Variants in RFPL3 observed in about 807,000 individuals in gnomAD.
RFPL3 encodes the protein ret finger protein-like 3.
RFPL3 carries 8 observed loss-of-function variants against 8.7 expected under a neutral mutation model. The observed-to-expected ratio is 0.92, with a 90% CI of 0.54 to 1.66. RFPL3 has a LOEUF of 1.66. RFPL3 is among the 40% of genes most tolerant of loss of function. The pLI is 0.00. For missense variants in RFPL3, 341 were observed against 395.0 expected, an observed-to-expected ratio of 0.86 and a Z score of 1.16; for synonymous variants, 145 against 150.5, an observed-to-expected ratio of 0.96 and a Z score of 0.27.
In RFPL3 at chr22:32,358,171, T is replaced by C. The variant is rs1399312566; in HGVS notation, c.100T>C (p.Phe34Leu). The C allele has an allele frequency of 6.2e-6, 10 of 1,613,970 alleles. No homozygotes were observed. The highest frequency in any genetic ancestry group is 8.5e-6 in the Non-Finnish European group (10 of 1,179,860). Residue 34 changes from phenylalanine to leucine, a missense_variant, in exon 1 of 2, where the codon TTC becomes CTC. Transcript: ENST00000249007. ...CCTGGCAGTGGACATGGCTGCACTC[T>C]TCCAAGAAGCAAGCAGCTGTCCCGT... ...FPLAVDMAAL[F>L]QEASSCPVCS...
chr22:32,358,098 T>C lies in RFPL3; in HGVS notation c.27T>C (p.Thr9=), dbSNP rs748852768. MKRLSLVT[T]NRLSPQGNFL... The stretch of plus-strand genomic sequence containing the variant: ...TGAAAAGGTTGTCACTTGTCACAAC[T>C]AACAGGCTTTCACCTCAAGGAAATT... The change falls in exon 1 of 2, where the codon ACT becomes ACC. Residue 9 remains threonine, a synonymous_variant. Transcript: ENST00000249007. The C allele has an allele frequency of 6.2e-7, 1 of 1,613,824 alleles. No homozygotes were observed. Among genetic ancestry groups the C allele is most frequent in the Non-Finnish European group, 8.5e-7 (1 of 1,179,742 alleles).
upstream of RFPL3, among the ~76,000 whole-genome samples, chr22:32,357,250 T>C (rs1021842064): frequency 6.6e-6 from 1 of 152,096 alleles, no homozygotes; most frequent in Non-Finnish European, 1.5e-5. Flanking sequence ...GATGTAATTT[T>C]TTTTCTTTTC....
At position 32,358,296 on chromosome 22, in the gene RFPL3, T is replaced by A. The variant is rs1932734702; in HGVS notation, c.225T>A (p.Asp75Glu). Residue 75 changes from aspartate to glutamate, a missense_variant, in exon 1 of 2, where the codon GAT becomes GAA. By Grantham distance (45) the Asp-to-Glu change is conservative. Coordinates refer to ENST00000249007, the MANE Select transcript of RFPL3 (RefSeq NM_001098535.1). ...TGCAGAAGGAGCCCCATGGGGAGGA[T>A]CTGCTTTGCTGTTGCTGTTCCATGG... ...NSLQKEPHGEDLLCCCCSMVS... is the reference protein window; with the variant it reads ...NSLQKEPHGEELLCCCCSMVS... The A allele has an allele frequency of 1.2e-6, 2 of 1,613,968 alleles. No homozygotes were observed. The highest frequency in any genetic ancestry group is 4.5e-5 in the East Asian group (2 of 44,874).
intron 1 of RFPL3, chr22:32,359,952 G>C: frequency 2.4e-6 from 1 of 417,058 alleles, no homozygotes; most frequent in Non-Finnish European, 4.2e-6. Flanking sequence ...GTGGTAGAAA[G>C]GGGGGCATGG....
chr22:32,355,781 C>CAAAAAAAAAAAAAAA (rs5844988), upstream of RFPL3, among the ~76,000 whole-genome samples: 1 of 99,968 alleles, frequency 1.0e-5, no homozygotes, highest in Non-Finnish European at 2.2e-5. Flanking sequence ...GACTTTGTCT[C>CAAAAAAAAAAAAAAA]AAAAAAAAAA....
chr22:32,359,144 G>A (rs1029199946), intron 1 of RFPL3, among the ~76,000 whole-genome samples: 4 of 152,142 alleles, frequency 2.6e-5, no homozygotes, highest in African/African-American at 9.7e-5. Context: ...TAATGTCCCT[G>A]ACACTGGTAG....
rs149437141 is a variant in RFPL3 at position 32,360,567 on chromosome 22, C to T, written c.689C>T (p.Thr230Met). The stretch of plus-strand genomic sequence containing the variant: ...GATGGAAGCCGCCTCTCTGCCAGCA[C>T]GGTGCCGCTGACTTTCCTCTTAGTA... ...LRDGSRLSAS[T>M]VPLTFLLVDR... Residue 230 changes from threonine (T) to methionine (M), a missense_variant, in exon 2 of 2, where the codon ACG (threonine) becomes ATG (methionine). Coordinates refer to ENST00000249007, the MANE Select transcript of RFPL3 (RefSeq NM_001098535.1). 1.9e-5 allele frequency: 31 copies of T among 1,613,846 alleles called. No individual in the cohort carries two copies. The South Asian group carries it at 2.0e-4, about 10-fold the overall frequency.
rs367950014 is a variant in RFPL3 at position 32,358,413 on chromosome 22, A to G, written c.342A>G (p.Leu114=). 7.9e-5 allele frequency: 127 copies of G among 1,613,998 alleles called. No individual in the cohort carries two copies. Among genetic ancestry groups the G allele is most frequent in the Non-Finnish European group, 9.3e-5 (110 of 1,180,010 alleles). Residue 114 remains leucine (L), a synonymous_variant, in exon 1 of 2, where the codon CTA becomes CTG. Coordinates refer to ENST00000249007, the MANE Select transcript of RFPL3 (RefSeq NM_001098535.1). The part of the protein sequence containing the change: ...KELEPKLKKI[L]QMNPRMRKFQ... Reference sequence around the variant, plus strand: ...TGGAGCCCAAGCTGAAGAAGATTCTACAGATGAACCCAAGGATGCGGAAGT... The same window carrying G: ...TGGAGCCCAAGCTGAAGAAGATTCTGCAGATGAACCCAAGGATGCGGAAGT...
upstream of RFPL3, among the ~76,000 whole-genome samples, chr22:32,355,591 T>G (rs1932637081): frequency 6.6e-6 from 1 of 151,886 alleles, no homozygotes; most frequent in African/African-American, 2.4e-5. Flanking sequence ...GGTGCACAGG[T>G]CACCTGTGCA....
intron 1 of RFPL3, among the ~76,000 whole-genome samples, chr22:32,358,735 G>A (rs560417297): frequency 1.3e-5 from 2 of 152,358 alleles, no homozygotes; most frequent in African/African-American, 4.8e-5. Flanking sequence ...GAACTGGGAA[G>A]TCTCAGGATT....
chr22:32,355,325 A>G (rs1284662372), upstream of RFPL3, among the ~76,000 whole-genome samples: 2 of 152,122 alleles, frequency 1.3e-5, no homozygotes, highest in Non-Finnish European at 2.9e-5. Context: ...AACCTCGGTA[A>G]GGGGAAGTCT....
chr22:32,354,885 C>G (rs1483790530), upstream of RFPL3: 2 of 152,440 alleles, frequency 1.3e-5, no homozygotes, highest in South Asian at 2.1e-4. Flanking sequence ...CCCGCACCAA[C>G]GGCAGCAGCG....
At position 32,358,054 on chromosome 22, in the gene RFPL3, A is replaced by G. The variant is rs748105177; in HGVS notation, c.-18A>G. On this transcript the variant is annotated 5_prime_UTR_variant, in exon 1 of 2. Coordinates refer to ENST00000249007, the MANE Select transcript of RFPL3 (RefSeq NM_001098535.1). Reference sequence around the variant, plus strand: ...CTTGTTCTCGGAGTGACAAAGCTGGAACACAATACCTCTATGCATGAAAAG... The same window carrying G: ...CTTGTTCTCGGAGTGACAAAGCTGGGACACAATACCTCTATGCATGAAAAG... 78 of 1,602,658 alleles carry G rather than the reference A, an allele frequency of 4.9e-5. No homozygotes were observed. The Middle Eastern group carries it at 8.3e-4, about 17-fold the overall frequency.
At chr22:32,355,129 T>C (rs1932622276), upstream of RFPL3, among the ~76,000 whole-genome samples, 2 of 150,510 alleles carry the variant, frequency 1.3e-5, no homozygotes, top group Admixed American at 1.3e-4. Flanking sequence ...CTGGGCTACA[T>C]GTTCTGATTG....
chr22:32,360,159 T>C (rs1932763605), intron 1 of RFPL3, 93 bp from the exon 2 acceptor site: 5 of 1,461,940 alleles, frequency 3.4e-6, no homozygotes, highest in African/African-American at 1.4e-5. Flanking sequence ...TTAAAGAAAC[T>C]AAAGTCAGGA....
In RFPL3 at chr22:32,360,730, T is replaced by C; in HGVS notation, c.852T>C (p.Ala284=). Residue 284 remains alanine, a synonymous_variant, in exon 2 of 2, where the codon GCT becomes GCC. Transcript: ENST00000249007. The part of the protein sequence containing the change: ...SAEEPLRPFL[A]PSIPPNGDQG... ...AGGAGCCACTGCGCCCATTTTTGGC[T>C]CCTTCAATTCCACCTAATGGTGATC... The C allele has an allele frequency of 1.9e-6, 3 of 1,614,078 alleles. No homozygotes were observed. The highest frequency in any genetic ancestry group is 4.5e-5 in the East Asian group (2 of 44,874).
upstream of RFPL3, among the ~76,000 whole-genome samples, chr22:32,356,422 C>T (rs1932668515): frequency 6.7e-6 from 1 of 149,322 alleles, no homozygotes; most frequent in Non-Finnish European, 1.5e-5. Context: ...CTGGGAGCCT[C>T]TCCCCCGGGC....
Position 32,358,174 on chromosome 22 carries a change from C to T in RFPL3, c.103C>T (p.Gln35Ter), listed in dbSNP as rs778275143. The change falls in exon 1 of 2, where the codon CAA (glutamine) becomes TAA (stop). Residue 35 changes from glutamine to a stop codon, truncating the protein, a stop_gained. Transcript: ENST00000249007. LOFTEE classifies it high-confidence loss of function. Reference protein sequence around the residue: ...PLAVDMAALFQEASSCPVCSD... With the variant: ...PLAVDMAALF The stretch of plus-strand genomic sequence containing the variant: ...GGCAGTGGACATGGCTGCACTCTTC[C>T]AAGAAGCAAGCAGCTGTCCCGTCTG... 1 of 1,613,952 alleles carries T rather than the reference C, an allele frequency of 6.2e-7. No homozygotes were observed. Among genetic ancestry groups the T allele is most frequent in the East Asian group, 2.2e-5 (1 of 44,874 alleles).
At chr22:32,355,087 T>C (rs1296383115), upstream of RFPL3, among the ~76,000 whole-genome samples, 5 of 142,006 alleles carry the variant, frequency 3.5e-5, no homozygotes, top group African/African-American at 7.6e-5. Flanking sequence ...CTTGGCATCA[T>C]TTATATATGA....
Sources: gnomAD v4.1 joint callset for allele counts (sites outside exome capture counted in the v4.1 genomes callset) on GRCh38, gnomAD v4.1.1 for gene constraint, MANE v1.5 for transcripts, NCBI Gene and HGNC (gene_info 2026-07-23, HGNC 2026-07-21) for gene names.